The following AOPEP variants were observed in gnomAD, a reference collection of about 807,000 sequenced individuals.
AOPEP encodes aminopeptidase O.
AOPEP carries 77 observed loss-of-function variants against 98.1 expected under a neutral mutation model. The ratio of observed to expected loss-of-function variants is 0.78; its 90% CI spans 0.65 to 0.95. AOPEP has a LOEUF of 0.95. AOPEP is among the 40% of genes least tolerant of loss of function. The pLI is 0.00. For synonymous variants in AOPEP, 346 were observed against 365.3 expected (o/e 0.95, Z 0.60); for missense variants, 1,024 against 1,024.7 (o/e 1.00, Z 0.01).
In AOPEP at chr9:94,883,960, C is replaced by T. The variant is rs75545048; in HGVS notation, c.1365-40026C>T. The stretch of plus-strand genomic sequence containing the variant: ...GAAAACTGGGACCCAGAGCAAACTT[C>T]TGGCCACCCCTTGATCCATCAGGAC... On this transcript the variant is annotated intron_variant, in intron 5 of 16. Coordinates refer to ENST00000375315, the MANE Select transcript of AOPEP (RefSeq NM_001193329.3). Among the ~76,000 whole-genome samples, 1,136 of 152,314 alleles carry T rather than the reference C, an allele frequency of 7.5e-3. 16 individuals carry two copies. Among genetic ancestry groups the T allele is most frequent in the African/African-American group, 0.026 (1,097 of 41,564 alleles).
At chr9:94,921,231 G>C (rs1400184702) in intron 5 of AOPEP, 1 of 152,302 alleles carries the variant, frequency 6.6e-6, no homozygotes, top group African/African-American at 2.4e-5. Flanking sequence ...CAGTTTTCCA[G>C]TGAGGCTTGT....
In AOPEP at chr9:95,053,194, A is replaced by C. The variant is rs116799574; in HGVS notation, c.2116-7500A>C. Among the ~76,000 whole-genome samples the C allele has an allele frequency of 7.3e-3, 1,114 of 152,350 alleles. 18 individuals carry two copies. The highest frequency in any genetic ancestry group is 0.026 in the African/African-American group (1,061 of 41,562). On this transcript the variant is annotated intron_variant, in intron 13 of 16. Transcript: ENST00000375315. ...TTAGGAAATACTTGTAGCATGATTT[A>C]AGAAAAATATTTCAGCTTCAGCTGG...
At chr9:94,787,166 C>T (rs568814177) in intron 3 of AOPEP, among the ~76,000 whole-genome samples, 2 of 152,318 alleles carry the variant, frequency 1.3e-5, no homozygotes, top group East Asian at 3.9e-4. Flanking sequence ...ACCTCAGGTT[C>T]TGTTACCACT....
chr9:95,134,478 C>A, the AOPEP span, among the ~76,000 whole-genome samples: 1 of 152,156 alleles, frequency 6.6e-6, no homozygotes, highest in Non-Finnish European at 1.5e-5. Context: ...CTCACTTTCT[C>A]CACTTGCAGG....
At chr9:94,991,900 T>C (rs1564492756) in intron 11 of AOPEP, among the ~76,000 whole-genome samples, 1 of 152,176 alleles carries the variant, frequency 6.6e-6, no homozygotes, top group Non-Finnish European at 1.5e-5. Context: ...TAGAGATTAG[T>C]TTAGGTCTTT....
chr9:95,080,747 C>T lies in AOPEP; in HGVS notation c.2286C>T (p.Tyr762=). Residue 762 remains tyrosine, a synonymous_variant, in exon 15 of 17, where the codon TAC becomes TAT. Coordinates refer to ENST00000375315, the MANE Select transcript of AOPEP (RefSeq NM_001193329.3). ...TTAAGCACAAGTTCACGAAAGCCTA[C>T]AAAAGTGTGGAGAGGTTCCTTCAGG... ...LIVKHKFTKA[Y]KSVERFLQED... 1.2e-6 allele frequency: 2 copies of T among 1,614,036 alleles called. No homozygotes were observed. The highest frequency in any genetic ancestry group is 1.1e-5 in the South Asian group (1 of 91,076).
At chr9:95,007,892 G>A (rs1442162736) in intron 13 of AOPEP, among the ~76,000 whole-genome samples, 2 of 152,152 alleles carry the variant, frequency 1.3e-5, no homozygotes, top group East Asian at 3.8e-4. Context: ...CTTTTGCTAG[G>A]ATTTGAACCT....
chr9:94,892,146 A>T (rs964170897), intron 5 of AOPEP, among the ~76,000 whole-genome samples: 11 of 151,972 alleles, frequency 7.2e-5, no homozygotes, highest in African/African-American at 2.7e-4. Flanking sequence ...TTTAATCCTA[A>T]TTTATCTTGG....
intron 11 of AOPEP, among the ~76,000 whole-genome samples, chr9:94,988,448 A>G (rs1010628292): frequency 3.9e-5 from 6 of 152,212 alleles, no homozygotes; most frequent in Non-Finnish European, 8.8e-5. Flanking sequence ...TTTTTCCTGT[A>G]AAAAGAATAA....
intron 3 of AOPEP, among the ~76,000 whole-genome samples, chr9:94,790,649 C>T (rs1033701830): frequency 5.3e-5 from 8 of 151,940 alleles, no homozygotes; most frequent in East Asian, 1.9e-4. Context: ...TGAATCTCAC[C>T]GAAATATTAT....
chr9:94,876,432 C>T (rs1021074654), intron 5 of AOPEP, among the ~76,000 whole-genome samples: 8 of 150,580 alleles, frequency 5.3e-5, no homozygotes, highest in African/African-American at 2.0e-4. Context: ...ATGGCGCGAT[C>T]TTGGCTCACT....
chr9:94,792,419 C>T (rs1209206239), intron 3 of AOPEP, among the ~76,000 whole-genome samples: 1 of 151,996 alleles, frequency 6.6e-6, no homozygotes, highest in East Asian at 1.9e-4. Flanking sequence ...ATGCTAAATA[C>T]TGTGTTGGAT....
In AOPEP at chr9:94,775,410, G is replaced by A. The variant is rs1390837516; in HGVS notation, c.964+2242G>A. 3.4e-5 allele frequency among the ~76,000 whole-genome samples: 5 copies of A among 148,080 alleles called. No homozygotes were observed. The East Asian group carries it at 7.9e-4, about 23-fold the overall frequency. On this transcript the variant is annotated intron_variant, in intron 3 of 16. Transcript: ENST00000375315. ...TTTTGAGACAGAGTCTTGCTCTGTC[G>A]CCAGGCTGGAGTGCAATGGCGCGAT...
intron 11 of AOPEP, among the ~76,000 whole-genome samples, chr9:94,990,416 T>C (rs1194304713): frequency 1.3e-5 from 2 of 152,096 alleles, no homozygotes; most frequent in Non-Finnish European, 2.9e-5. Flanking sequence ...CCTTATTTTG[T>C]AGAGAAACCT....
downstream of AOPEP, among the ~76,000 whole-genome samples, chr9:95,088,819 C>T (rs2070825359): frequency 2.6e-5 from 4 of 152,236 alleles, no homozygotes; most frequent in South Asian, 2.1e-4. Context: ...TGTGAGTCAC[C>T]GGGTCTTGTG....
chr9:94,928,395 A>G, intron 6 of AOPEP, 30 bp from the exon 7 acceptor site: 2 of 1,474,426 alleles, frequency 1.4e-6, no homozygotes, highest in Non-Finnish European at 1.8e-6. Flanking sequence ...TGTTTTGTGC[A>G]TGTGTGTCTG....
chr9:95,129,265 G>A, the AOPEP span, among the ~76,000 whole-genome samples: 1 of 152,150 alleles, frequency 6.6e-6, no homozygotes, highest in Non-Finnish European at 1.5e-5. Flanking sequence ...TAATTTCAGG[G>A]TCAGTGAGTC....
intron 5 of AOPEP, among the ~76,000 whole-genome samples, chr9:94,846,648 G>A (rs1249525960): frequency 1.3e-5 from 2 of 152,218 alleles, no homozygotes; most frequent in South Asian, 2.1e-4. Flanking sequence ...GCTCACGCCC[G>A]TAATCCTAGC....
intron 5 of AOPEP, among the ~76,000 whole-genome samples, chr9:94,823,254 C>T (rs977321534): frequency 6.6e-6 from 1 of 152,164 alleles, no homozygotes; most frequent in Admixed American, 6.5e-5. Flanking sequence ...CCTCAGCCTC[C>T]CAAAGTGCTG....
Sources: allele counts gnomAD v4.1 joint callset (sites outside exome capture counted in the v4.1 genomes callset), GRCh38; gene constraint gnomAD v4.1.1; transcripts MANE v1.5; gene names NCBI Gene and HGNC (gene_info 2026-07-23, HGNC 2026-07-21).